The following DSE variants were observed in gnomAD, a reference collection of about 807,000 sequenced individuals.
The protein encoded by DSE is dermatan-sulfate epimerase.
In DSE, 36 loss-of-function variants were observed where a neutral mutation model predicts 84.4. The ratio of observed to expected loss-of-function variants is 0.43; its 90% CI spans 0.33 to 0.56. The LOEUF (loss-of-function observed/expected upper bound fraction) is 0.56, where lower values mean the gene tolerates loss of function less well. DSE is among the 20% of genes least tolerant of loss of function. The pLI is 0.06. For synonymous variants in DSE, 410 were observed against 430.1 expected, an observed-to-expected ratio of 0.95 and a Z score of 0.58; for missense variants, 862 against 1,169.6, an observed-to-expected ratio of 0.74 and a Z score of 3.84.
chr6:116,334,639 G>C (rs967456374), intron 2 of DSE, among the ~76,000 whole-genome samples: 1 of 152,032 alleles, frequency 6.6e-6, no homozygotes, highest in Admixed American at 6.6e-5. Flanking sequence ...TTATCTTCCA[G>C]AGTTTTTATA....
At chr6:116,336,141 C>G (rs1583039394) in intron 2 of DSE, among the ~76,000 whole-genome samples, 1 of 152,270 alleles carries the variant, frequency 6.6e-6, no homozygotes, top group East Asian at 1.9e-4. Context: ...TTTATTTTGA[C>G]TACATTTAAT....
At chr6:116,307,927 A>C (rs1562219352) in intron 2 of DSE, among the ~76,000 whole-genome samples, 1 of 152,208 alleles carries the variant, frequency 6.6e-6, no homozygotes, top group Non-Finnish European at 1.5e-5. Context: ...CCTTAGTTCT[A>C]ATTCTTTCAA....
At chr6:116,414,419 A>ATT (rs34170360) in intron 2 of DSE, among the ~76,000 whole-genome samples, 4 of 150,538 alleles carry the variant, frequency 2.7e-5, no homozygotes, top group African/African-American at 7.3e-5. Flanking sequence ...GTGTTTGCTC[A>ATT]TTTTTTTTTT....
At chr6:116,264,543 G>A (rs1207135002) in intron 2 of DSE, among the ~76,000 whole-genome samples, 1 of 151,990 alleles carries the variant, frequency 6.6e-6, no homozygotes, top group Non-Finnish European at 1.5e-5. Flanking sequence ...TAGCTGAATG[G>A]TCTTCATTCC....
At chr6:116,424,638 T>C (rs1421494843) in intron 2 of DSE, among the ~76,000 whole-genome samples, 1 of 152,078 alleles carries the variant, frequency 6.6e-6, no homozygotes, top group Non-Finnish European at 1.5e-5. Flanking sequence ...GCGAATACAA[T>C]AGTGAAGAAA....
At chr6:116,373,057 T>TA (rs35753373) in intron 1 of DSE, among the ~76,000 whole-genome samples, 4,550 of 145,494 alleles carry the variant, frequency 0.031, 169 homozygotes, top group African/African-American at 0.09. Flanking sequence ...GAAGGGGAAT[T>TA]AAAAAAAAAA....
intron 2 of DSE, among the ~76,000 whole-genome samples, chr6:116,269,025 A>G (rs1772758615): frequency 6.6e-6 from 1 of 151,430 alleles, no homozygotes; most frequent in African/African-American, 2.4e-5. Flanking sequence ...CTTTAAAAAA[A>G]AAAAGAAAAA....
chr6:116,344,008 G>A (rs545977846), intron 2 of DSE, among the ~76,000 whole-genome samples: 60 of 152,290 alleles, frequency 3.9e-4, no homozygotes, highest in African/African-American at 1.4e-3. Context: ...TTCAGTAGCC[G>A]ATTTGATCAA....
intron 2 of DSE, among the ~76,000 whole-genome samples, chr6:116,282,597 C>T (rs1245599098): frequency 6.6e-6 from 1 of 151,964 alleles, no homozygotes; most frequent in Non-Finnish European, 1.5e-5. Context: ...ATGTATAAAG[C>T]TGTGATAAGG....
chr6:116,417,256 A>G (rs1562297320), intron 2 of DSE, among the ~76,000 whole-genome samples: 1 of 152,208 alleles, frequency 6.6e-6, no homozygotes, highest in Non-Finnish European at 1.5e-5. Context: ...TTCCATTTAA[A>G]TAGATTATGT....
intron 2 of DSE, among the ~76,000 whole-genome samples, chr6:116,262,720 ATCTT>A (rs1772465858): frequency 6.6e-6 from 1 of 152,148 alleles, no homozygotes. Context: ...TTAACTTAAG[ATCTT>A]TCTAACTTTT....
At chr6:116,365,295 G>A (rs1387564694) in intron 2 of DSE, among the ~76,000 whole-genome samples, 2 of 151,952 alleles carry the variant, frequency 1.3e-5, no homozygotes, top group African/African-American at 4.8e-5. Flanking sequence ...TTGCTCTATC[G>A]CCCAGGCTGG....
chr6:116,346,571 G>A (rs542928162), intron 2 of DSE, among the ~76,000 whole-genome samples: 83 of 152,122 alleles, frequency 5.5e-4, no homozygotes, highest in Admixed American at 2.4e-3. Flanking sequence ...ATTCAACAGC[G>A]CCTCATGCTA....
At position 116,435,847 on chromosome 6, in the gene DSE, T is replaced by C. The variant is rs751463171; in HGVS notation, c.1379T>C (p.Phe460Ser). Residue 460 changes from phenylalanine to serine, a missense_variant, in exon 6 of 6, where the codon TTT (phenylalanine) becomes TCT (serine). Physicochemically the swap from Phe to Ser is radical, Grantham distance 155. Around this residue, in one of 4 missense-constraint regions of DSE, gnomAD observed 186 missense variants for 255.1 expected, o/e 0.73. Coordinates refer to ENST00000644252, the MANE Select transcript of DSE (RefSeq NM_013352.4). Reference sequence around the variant, plus strand: ...CATCCTGATCAAAACTCATTTACTTTTGCTCCCAATGGTGTGCCTTTCATT... The same window carrying C: ...CATCCTGATCAAAACTCATTTACTTCTGCTCCCAATGGTGTGCCTTTCATT... ...HEHPDQNSFT[F>S]APNGVPFITE... 12 of 1,614,036 alleles carry C rather than the reference T, an allele frequency of 7.4e-6. No homozygotes were observed. The highest frequency in any genetic ancestry group is 1.0e-5 in the Non-Finnish European group (12 of 1,180,022).
At chr6:116,338,952 A>T (rs987406917) in intron 2 of DSE, among the ~76,000 whole-genome samples, 4 of 152,204 alleles carry the variant, frequency 2.6e-5, no homozygotes, top group Non-Finnish European at 4.4e-5. Flanking sequence ...ATAGCCAAAC[A>T]GTGTCCCAGA....
At chr6:116,431,907 A>T (rs1051022160) in intron 4 of DSE, among the ~76,000 whole-genome samples, 1 of 152,164 alleles carries the variant, frequency 6.6e-6, no homozygotes, top group African/African-American at 2.4e-5. Context: ...ATCAGGATAG[A>T]TTCCCCCCCT....
intron 2 of DSE, chr6:116,278,351 G>T (rs887347643): frequency 1.1e-5 from 9 of 798,666 alleles, no homozygotes; most frequent in African/African-American, 1.7e-5. Flanking sequence ...ACCCACCACC[G>T]TCTCAATCTT....
rs1772053065 is a variant in DSE at position 116,254,294 on chromosome 6, ATG to A, written c.-576+1_-576+2del. ...AAATGGATGTAGACCAGACTCAAGCATGTAAGAACTGTGTTAATGTGGATTTC... is the reference window on the plus strand; with the variant it reads ...AAATGGATGTAGACCAGACTCAAGCATAAGAACTGTGTTAATGTGGATTTC... On this transcript the variant is annotated splice_donor_variant and 5_prime_UTR_variant, in exon 1 of 4. Coordinates refer to the DSE transcript ENST00000430252. LOFTEE classifies it low-confidence loss of function (5UTR_SPLICE). 1 of 641,222 alleles carries A rather than the reference ATG, an allele frequency of 1.6e-6. No individual in the cohort carries two copies. The highest frequency in any genetic ancestry group is 2.9e-6 in the Non-Finnish European group (1 of 347,144). 39.7% of individuals were successfully genotyped at this position (641,222 alleles called of 1,614,324 possible). A position where few individuals can be genotyped will look rare whatever the true frequency, so the allele number is the denominator to read the frequency against.
At chr6:116,416,019 C>G (rs1030648809) in intron 2 of DSE, among the ~76,000 whole-genome samples, 2 of 152,276 alleles carry the variant, frequency 1.3e-5, no homozygotes, top group South Asian at 4.1e-4. Flanking sequence ...GGGCAGAATA[C>G]TTTTCTTTGC....
Sources: allele counts gnomAD v4.1 joint callset (sites outside exome capture counted in the v4.1 genomes callset), GRCh38; gene constraint gnomAD v4.1.1; regional missense constraint gnomAD v4.1.1; transcripts MANE v1.5; gene names NCBI Gene and HGNC (gene_info 2026-07-23, HGNC 2026-07-21).